MEIS1: variants seen among roughly 807,000 people sequenced by gnomAD.
MEIS1 encodes the protein Meis homeobox 1, also known as homeobox protein Meis1.
In MEIS1, 5 loss-of-function variants were observed where a neutral mutation model predicts 50.8. The observed-to-expected ratio is 0.10, with a 90% CI of 0.05 to 0.21. The LOEUF (loss-of-function observed/expected upper bound fraction) is 0.21. Among genes scored for constraint, MEIS1 ranks in the 10% least tolerant of loss-of-function variants. The pLI is 1.00. For missense variants in MEIS1, 318 were observed against 517.3 expected (o/e 0.61, Z 3.74); for synonymous variants, 176 against 179.3 (o/e 0.98, Z 0.15).
intron 7 of MEIS1, among the ~76,000 whole-genome samples, chr2:66,504,178 T>A (rs1366512846): frequency 6.6e-6 from 1 of 151,910 alleles, no homozygotes; most frequent in African/African-American, 2.4e-5. Flanking sequence ...ATGTCAGGAG[T>A]CCACTAAAGG....
At chr2:66,440,378 A>C in intron 3 of MEIS1, 184 bp from the exon 4 acceptor site, 1 of 642,242 alleles carries the variant, frequency 1.6e-6, no homozygotes, top group Non-Finnish European at 2.8e-6. Flanking sequence ...TTTTCAGCTT[A>C]TTTAATTCAC....
rs202065830 is a variant in MEIS1 at position 66,539,601 on chromosome 2, G to A, written c.889-8342G>A. ...TCAAGTTTCGTCATCTATCAAATGG[G>A]TCTAGCGGCTGTTAACTACCTCAGA... On this transcript the variant is annotated intron_variant, in intron 8 of 12. Coordinates refer to ENST00000272369, the MANE Select transcript of MEIS1 (RefSeq NM_002398.3). Among the ~76,000 whole-genome samples the A allele has an allele frequency of 5.9e-5, 9 of 152,138 alleles. No homozygotes were observed. In the East Asian group the frequency reaches 1.7e-3, roughly 29 times the overall value.
intron 8 of MEIS1, among the ~76,000 whole-genome samples, chr2:66,525,233 C>CAACA (rs531724284): frequency 9.9e-5 from 15 of 152,030 alleles, no homozygotes; most frequent in African/African-American, 3.6e-4. Context: ...AAACAAAAAA[C>CAACA]AACAAACAAA....
At chr2:66,526,518 T>C (rs1674255528) in intron 8 of MEIS1, among the ~76,000 whole-genome samples, 1 of 152,164 alleles carries the variant, frequency 6.6e-6, no homozygotes, top group Non-Finnish European at 1.5e-5. Flanking sequence ...AAAATCTCCA[T>C]TTGAAATACA....
chr2:66,571,792 G>T lies in MEIS1; in HGVS notation c.*584G>T. On this transcript the variant is annotated 3_prime_UTR_variant, in exon 13 of 13. Transcript: ENST00000272369. The stretch of plus-strand genomic sequence containing the variant: ...TATCCATATTACGTTGTTTCTTATA[G>T]ATTTTTTAAAAAAAATGTGAAATTT... 2.5e-6 allele frequency: 1 copy of T among 406,008 alleles called. No individual in the cohort carries two copies. The highest frequency in any genetic ancestry group is 4.3e-6 in the Non-Finnish European group (1 of 230,908). 25.2% of individuals were successfully genotyped at this position (406,008 alleles called of 1,614,324 possible). A position where few individuals can be genotyped will look rare whatever the true frequency, so the allele number is the denominator to read the frequency against.
At chr2:66,480,830 A>G (rs1672998252) in intron 7 of MEIS1, among the ~76,000 whole-genome samples, 1 of 152,128 alleles carries the variant, frequency 6.6e-6, no homozygotes, top group Non-Finnish European at 1.5e-5. Flanking sequence ...GCTGACTTCT[A>G]CTTTCCTATG....
At chr2:66,485,799 G>A (rs1157557631) in intron 7 of MEIS1, among the ~76,000 whole-genome samples, 1 of 152,146 alleles carries the variant, frequency 6.6e-6, no homozygotes, top group Non-Finnish European at 1.5e-5. Context: ...ATTCTAACTG[G>A]TGTGAGGTGG....
intron 7 of MEIS1, among the ~76,000 whole-genome samples, chr2:66,474,095 T>A (rs1424112512): frequency 6.6e-6 from 1 of 152,228 alleles, no homozygotes; most frequent in Non-Finnish European, 1.5e-5. Context: ...TCATCCATTT[T>A]TTTTTTCAAA....
At chr2:66,507,487 C>T (rs558119981) in intron 7 of MEIS1, among the ~76,000 whole-genome samples, 100 of 152,300 alleles carry the variant, frequency 6.6e-4, no homozygotes, top group African/African-American at 2.4e-3. Flanking sequence ...AGGAGTTTTG[C>T]TTCTATGACA....
intron 8 of MEIS1, among the ~76,000 whole-genome samples, chr2:66,516,546 T>G (rs540106506): frequency 1.3e-5 from 2 of 151,952 alleles, no homozygotes; most frequent in South Asian, 4.2e-4. Flanking sequence ...CTTTCTTTTT[T>G]GTGTATGTGT....
chr2:66,441,850 T>C (rs1671992773), intron 5 of MEIS1: 1 of 197,560 alleles, frequency 5.1e-6, no homozygotes, highest in Non-Finnish European at 1.0e-5. Context: ...AAAAAAGTTT[T>C]ATTCAGTTGT....
intron 9 of MEIS1, among the ~76,000 whole-genome samples, chr2:66,554,240 G>A (rs1202480681): frequency 2.0e-5 from 3 of 152,214 alleles, no homozygotes; most frequent in Admixed American, 1.3e-4. Flanking sequence ...CAGTGACAAC[G>A]GAGGTTGACT....
At chr2:66,540,285 A>G (rs1446121050) in intron 8 of MEIS1, among the ~76,000 whole-genome samples, 1 of 152,168 alleles carries the variant, frequency 6.6e-6, no homozygotes, top group Non-Finnish European at 1.5e-5. Context: ...TTTCTCCCTT[A>G]TCTACTCCCA....
chr2:66,486,392 A>G (rs1394985856), intron 7 of MEIS1, among the ~76,000 whole-genome samples: 1 of 152,150 alleles, frequency 6.6e-6, no homozygotes, highest in Non-Finnish European at 1.5e-5. Context: ...AGGTTTGTCA[A>G]AGATCAGATG....
intron 9 of MEIS1, among the ~76,000 whole-genome samples, chr2:66,559,005 G>T (rs1228314470): frequency 6.6e-6 from 1 of 152,082 alleles, no homozygotes; most frequent in Non-Finnish European, 1.5e-5. Context: ...AGCTGGGCAT[G>T]TTGGTGGGTG....
chr2:66,464,856 C>T (rs150373551), intron 7 of MEIS1, among the ~76,000 whole-genome samples: 52 of 152,258 alleles, frequency 3.4e-4, no homozygotes, highest in African/African-American at 1.3e-3. Context: ...TTGACTATAA[C>T]TAGTAGGAAA....
chr2:66,443,161 A>G (rs1672041158), intron 6 of MEIS1, 113 bp downstream of exon 6: 6 of 1,218,998 alleles, frequency 4.9e-6, no homozygotes, highest in Non-Finnish European at 6.6e-6. Flanking sequence ...AGTCCCTTTT[A>G]GATACATTTC....
chr2:66,492,647 T>C (rs952554687), intron 7 of MEIS1, among the ~76,000 whole-genome samples: 1 of 152,330 alleles, frequency 6.6e-6, no homozygotes, highest in East Asian at 1.9e-4. Flanking sequence ...CAGCTTGTTC[T>C]TTCTTGGAGA....
At chr2:66,569,202 C>A (rs1675424513) in intron 12 of MEIS1, 57 bp downstream of exon 12, 1 of 1,441,040 alleles carries the variant, frequency 6.9e-7, no homozygotes, top group Non-Finnish European at 9.6e-7. Flanking sequence ...TTTCCTCTTG[C>A]ATTTTCTTAT....
Sources: allele counts gnomAD v4.1 joint callset (sites outside exome capture counted in the v4.1 genomes callset), GRCh38; gene constraint gnomAD v4.1.1; transcripts MANE v1.5; gene names NCBI Gene and HGNC (gene_info 2026-07-23, HGNC 2026-07-21).